The following HEATR5B variants were observed in gnomAD, a reference collection of about 807,000 sequenced individuals.
HEATR5B encodes the protein HEAT repeat containing 5B.
In HEATR5B, 156 loss-of-function variants were observed where a neutral mutation model predicts 224.1. That is an observed-to-expected ratio of 0.70 (90% CI 0.61 to 0.80). HEATR5B has a LOEUF of 0.80. Among genes scored for constraint, HEATR5B ranks in the 30% least tolerant of loss-of-function variants. HEATR5B has a pLI of 0.00. For missense variants in HEATR5B, 2,323 were observed against 2,535.5 expected (o/e 0.92, Z 1.80); for synonymous variants, 1,027 against 893.0 (o/e 1.15, Z -2.68).
rs761371617 is a variant in HEATR5B, at chr2:37,065,744, G to A, written c.1333+11C>T. On this transcript the variant is annotated intron_variant, in intron 9 of 35. Transcript: ENST00000233099. ...TGGAAACACATACTAGCAAGTAACT[G>A]AATGTCATACCTATAGATGCTTCTT... The A allele has an allele frequency of 1.7e-5, 27 of 1,602,422 alleles. No individual in the cohort carries two copies. The South Asian group carries it at 2.0e-4, about 12-fold the overall frequency.
Position 37,003,583 on chromosome 2 carries a change from C to G in HEATR5B, c.5009G>C (p.Arg1670Thr), listed in dbSNP as rs985382975. The change falls in exon 31 of 36, where the codon AGA (arginine) becomes ACA (threonine). Residue 1670 changes from arginine to threonine, a missense_variant. By Grantham distance (71) the Arg-to-Thr change is moderately conservative. Coordinates refer to ENST00000233099, the MANE Select transcript of HEATR5B (RefSeq NM_019024.3). Reference protein sequence around the residue: ...LVTGVVQQIVRAAQDYLQEKR... With the variant: ...LVTGVVQQIVTAAQDYLQEKR... ...CTCTTGCAAATAATCCTGAGCAGCT[C>G]TTACTATCTGTTGTACAACTCCAGT... 1.2e-6 allele frequency: 2 copies of G among 1,611,846 alleles called. No homozygotes were observed. Among genetic ancestry groups the G allele is most frequent in the Admixed American group, 3.3e-5 (2 of 59,904 alleles).
Position 37,069,595 on chromosome 2 carries a change from T to C in HEATR5B, c.927+635A>G, listed in dbSNP as rs1019406410. The stretch of plus-strand genomic sequence containing the variant: ...TTGTTGGAGAATATTAAAATCTAAA[T>C]GCTCAAGCTACCTGAATACAGTTTC... On this transcript the variant is annotated intron_variant, in intron 7 of 35. Coordinates refer to ENST00000233099, the MANE Select transcript of HEATR5B (RefSeq NM_019024.3). Among the ~76,000 whole-genome samples, 6 of 152,188 alleles carry C rather than the reference T, an allele frequency of 3.9e-5. No homozygotes were observed. In the East Asian group the frequency reaches 1.2e-3, roughly 29 times the overall value.
intron 26 of HEATR5B, among the ~76,000 whole-genome samples, chr2:37,019,330 G>A (rs903819524): frequency 1.3e-5 from 2 of 151,872 alleles, no homozygotes; most frequent in Non-Finnish European, 1.5e-5. Flanking sequence ...ATAATGTGTG[G>A]TCAAAAACAA....
intron 24 of HEATR5B, among the ~76,000 whole-genome samples, chr2:37,027,233 A>C (rs144933789): frequency 6.6e-6 from 1 of 152,364 alleles, no homozygotes; most frequent in African/African-American, 2.4e-5. Flanking sequence ...TATTTAAAAA[A>C]TGACTGGGTG....
In HEATR5B at chr2:37,064,834, G is replaced by A; in HGVS notation, c.1490C>T (p.Ser497Leu). ...ACTATATCCACTGACAGCTTCTGGT[G>A]AGGTCTTCAAGTTGTTGAGCCGTTC... ...CAERLNNLKT[S>L]PEAVSGYSFA... is the part of the protein sequence containing the mutation. Residue 497 changes from serine (S) to leucine (L), a missense_variant, in exon 10 of 36, where the codon TCA (serine) becomes TTA (leucine). Ser to Leu is a moderately radical substitution (Grantham distance 145). Transcript: ENST00000233099. The A allele has an allele frequency of 6.2e-7, 1 of 1,614,094 alleles. No homozygotes were observed. Among genetic ancestry groups the A allele is most frequent in the South Asian group, 1.1e-5 (1 of 91,072 alleles).
chr2:37,060,906 C>T (rs1671243727), intron 11 of HEATR5B, among the ~76,000 whole-genome samples, 173 bp from the exon 12 acceptor site: 1 of 152,028 alleles, frequency 6.6e-6, no homozygotes, highest in South Asian at 2.1e-4. Flanking sequence ...TCTAAAATTA[C>T]ATTATTTTCA....
chr2:37,059,464 A>ATATATATT (rs1428386666), intron 12 of HEATR5B, among the ~76,000 whole-genome samples: 1 of 65,818 alleles, frequency 1.5e-5, no homozygotes, highest in Non-Finnish European at 2.9e-5. Flanking sequence ...ATATATATAT[A>ATATATATT]TTTTTTTTTT....
chr2:37,002,707 A>C, intron 31 of HEATR5B, 135 bp from the exon 32 acceptor site: 1 of 840,264 alleles, frequency 1.2e-6, no homozygotes, highest in Non-Finnish European at 1.8e-6. Context: ...TCTCTGTATA[A>C]TTCTCTGCCT....
At chr2:37,040,585 G>GTAACAATTC in intron 19 of HEATR5B, 67 bp from the exon 20 acceptor site, 1 of 1,162,120 alleles carries the variant, frequency 8.6e-7, no homozygotes, top group Non-Finnish European at 1.2e-6. Context: ...TGAGTATACT[G>GTAACAATTC]AATTGTTACA....
chr2:37,019,208 T>C (rs967710503), intron 26 of HEATR5B, among the ~76,000 whole-genome samples: 7 of 152,020 alleles, frequency 4.6e-5, no homozygotes, highest in African/African-American at 1.4e-4. Flanking sequence ...TGTGAGTCTC[T>C]GCAGATATAA....
chr2:37,011,994 A>G (rs1423307148), intron 27 of HEATR5B, among the ~76,000 whole-genome samples: 2 of 152,176 alleles, frequency 1.3e-5, no homozygotes, highest in Admixed American at 1.3e-4. Context: ...GCTACCTGCA[A>G]TATATGAGAA....
chr2:37,023,412 A>C (rs1668583381), intron 24 of HEATR5B, among the ~76,000 whole-genome samples: 1 of 152,132 alleles, frequency 6.6e-6, no homozygotes, highest in African/African-American at 2.4e-5. Context: ...AAGTTATAAG[A>C]TGTGTATCTT....
At chr2:37,007,773 A>G (rs1667527186) in intron 28 of HEATR5B, among the ~76,000 whole-genome samples, 1 of 152,210 alleles carries the variant, frequency 6.6e-6, no homozygotes, top group Non-Finnish European at 1.5e-5. Context: ...GTAGCTGATG[A>G]ACTGGAATAC....
At chr2:37,039,773 G>A (rs532114289) in intron 20 of HEATR5B, among the ~76,000 whole-genome samples, 1 of 152,308 alleles carries the variant, frequency 6.6e-6, no homozygotes, top group African/African-American at 2.4e-5. Context: ...AATTAGCTCA[G>A]TGGAATTAAG....
rs1670001075 is a variant in HEATR5B at position 37,043,492 on chromosome 2, A to T, written c.2697-2200T>A. 3.9e-5 allele frequency among the ~76,000 whole-genome samples: 6 copies of T among 152,354 alleles called. No homozygotes were observed. In the South Asian group the frequency reaches 1.2e-3, roughly 32 times the overall value. On this transcript the variant is annotated intron_variant, in intron 18 of 35. Transcript: ENST00000233099. ...GCGAAAAAATAACTGGGAAAGCTTC[A>T]CTAGAGAGTTCTTCTCCAAGGGCAA...
At chr2:37,061,800 C>T (rs896783524) in intron 11 of HEATR5B, 139 bp downstream of exon 11, 9 of 548,622 alleles carry the variant, frequency 1.6e-5, no homozygotes, top group East Asian at 6.1e-5. Context: ...TAGCAAATGA[C>T]GAGGAAAACA....
chr2:37,017,110 C>G (rs960603775), intron 26 of HEATR5B, among the ~76,000 whole-genome samples: 4 of 152,206 alleles, frequency 2.6e-5, no homozygotes, highest in African/African-American at 9.6e-5. Flanking sequence ...TTTGTAAAAA[C>G]CTAAGTATTT....
At chr2:36,994,045 A>T (rs1666522020) in intron 33 of HEATR5B, among the ~76,000 whole-genome samples, 1 of 152,182 alleles carries the variant, frequency 6.6e-6, no homozygotes, top group African/African-American at 2.4e-5. Flanking sequence ...TTCTGTGGTT[A>T]TGGAAGGGAA....
At chr2:37,034,955 C>G (rs184746027) in intron 21 of HEATR5B, among the ~76,000 whole-genome samples, 198 of 152,296 alleles carry the variant, frequency 1.3e-3, no homozygotes, top group Non-Finnish European at 2.2e-3. Flanking sequence ...ATGGTCATAT[C>G]ACATGGGAAG....
Sources: gnomAD v4.1 joint callset for allele counts (sites outside exome capture counted in the v4.1 genomes callset) on GRCh38, gnomAD v4.1.1 for gene constraint, MANE v1.5 for transcripts, NCBI Gene and HGNC (gene_info 2026-07-23, HGNC 2026-07-21) for gene names.